Variants in RERE observed in about 807,000 individuals in gnomAD.
RERE encodes arginine-glutamic acid dipeptide repeats, also known as arginine-glutamic acid dipeptide repeats protein.
A neutral mutation model predicts 146.1 loss-of-function variants in RERE; 40 were observed. The ratio of observed to expected loss-of-function variants is 0.27; its 90% CI spans 0.21 to 0.36. The LOEUF (loss-of-function observed/expected upper bound fraction) is 0.36. RERE is among the 10% of genes least tolerant of loss of function. The probability of loss-of-function intolerance (pLI) is 1.00; values close to 1 mark genes in which losing one functional copy is unlikely to be tolerated. For missense variants in RERE, 1,933 were observed against 2,138.7 expected, an observed-to-expected ratio of 0.90 and a Z score of 1.90; for synonymous variants, 1,003 against 866.0, an observed-to-expected ratio of 1.16 and a Z score of -2.78.
At chr1:8,458,041 AAT>A (rs1448948021) in intron 11 of RERE, among the ~76,000 whole-genome samples, 1 of 152,308 alleles carries the variant, frequency 6.6e-6, no homozygotes, top group East Asian at 1.9e-4. Context: ...TTACCAATGT[AAT>A]ATGTCTCACC....
At chr1:8,706,058 G>A (rs780752031) in intron 1 of RERE, among the ~76,000 whole-genome samples, 3 of 146,772 alleles carry the variant, frequency 2.0e-5, no homozygotes, top group Non-Finnish European at 4.4e-5. Flanking sequence ...GGAGCTTGCC[G>A]TGAGCTGATA....
chr1:8,358,948 C>T lies in RERE; in HGVS notation c.3619-32G>A, dbSNP rs775097048. On this transcript the variant is annotated intron_variant, in intron 19 of 22. Transcript: ENST00000400908. ...AAGGAAAAGAAAGCGTGAGGGGTCC[C>T]CCGAGCGCCTGGGGTCTCCGCTTGG... The T allele has an allele frequency of 1.7e-5, 25 of 1,502,184 alleles. No homozygotes were observed. The Admixed American group carries it at 5.3e-4, about 32-fold the overall frequency. 93.1% of individuals were successfully genotyped at this position (1,502,184 alleles called of 1,614,324 possible). A position where few individuals can be genotyped will look rare whatever the true frequency, so the allele number is the denominator to read the frequency against.
intron 1 of RERE, among the ~76,000 whole-genome samples, chr1:8,758,560 T>G (rs1004371518): frequency 2.0e-5 from 3 of 151,786 alleles, no homozygotes; most frequent in African/African-American, 7.3e-5. Flanking sequence ...CCTAGCTAAC[T>G]TTTTATTTTT....
chr1:8,698,935 A>G (rs949082390), intron 1 of RERE, among the ~76,000 whole-genome samples: 9 of 152,068 alleles, frequency 5.9e-5, no homozygotes, highest in Non-Finnish European at 1.2e-4. Context: ...TTGTTTTTCA[A>G]TGAGACAGGG....
chr1:8,701,935 C>G (rs1225184093), intron 1 of RERE, among the ~76,000 whole-genome samples: 1 of 152,144 alleles, frequency 6.6e-6, no homozygotes, highest in Non-Finnish European at 1.5e-5. Context: ...CCAAGTCTAA[C>G]ACATGCATAA....
At chr1:8,606,954 A>G (rs1179714485) in intron 4 of RERE, among the ~76,000 whole-genome samples, 3 of 152,228 alleles carry the variant, frequency 2.0e-5, no homozygotes, top group African/African-American at 7.2e-5. Flanking sequence ...TAGACTCTAA[A>G]AAAGGATTAA....
chr1:8,663,731 C>A (rs1638507693), intron 1 of RERE, among the ~76,000 whole-genome samples: 1 of 152,178 alleles, frequency 6.6e-6, no homozygotes, highest in African/African-American at 2.4e-5. Context: ...ACAATGCCCA[C>A]TATTCCTTTT....
At chr1:8,809,981 G>GTTGTTT (rs1204030211) in intron 1 of RERE, among the ~76,000 whole-genome samples, 106 of 151,426 alleles carry the variant, frequency 7.0e-4, no homozygotes, top group African/African-American at 2.3e-3. Context: ...AGCACAGTTT[G>GTTGTTT]TTGTTTTTGT....
At chr1:8,531,012 TCTATCTATCTATCTA>T (rs1645641826) in intron 7 of RERE, among the ~76,000 whole-genome samples, 1 of 26,456 alleles carries the variant, frequency 3.8e-5, no homozygotes, top group Admixed American at 3.6e-4. Context: ...GAGTTTTCTA[TCTATCTATCTATCTA>T]TCTATCTATC....
rs373745934 is a variant in RERE at position 8,599,575 on chromosome 1, G to C, written c.522+14986C>G. Among the ~76,000 whole-genome samples, 14 of 152,278 alleles carry C rather than the reference G, an allele frequency of 9.2e-5. No individual in the cohort carries two copies. In the East Asian group the frequency reaches 2.1e-3, roughly 23 times the overall value. On this transcript the variant is annotated intron_variant, in intron 4 of 22. Transcript: ENST00000400908. ...AATCTATTCAGGAGCACTGTAAAAC[G>C]GAAGAGAATTATCTAAAGGGATTCA...
chr1:8,519,726 A>G (rs1645466711), intron 7 of RERE: 1 of 152,160 alleles, frequency 6.6e-6, no homozygotes, highest in Admixed American at 6.5e-5. Context: ...TTCCACCCAT[A>G]TCACAGTCAG....
intron 1 of RERE, among the ~76,000 whole-genome samples, chr1:8,701,969 T>C (rs965554060): frequency 1.3e-5 from 2 of 152,080 alleles, no homozygotes; most frequent in Admixed American, 6.5e-5. Flanking sequence ...GTTGTGCTTC[T>C]GGAAATAATT....
intron 1 of RERE, chr1:8,807,023 T>C (rs1455095782): frequency 6.6e-6 from 1 of 152,210 alleles, no homozygotes; most frequent in African/African-American, 2.4e-5. Context: ...TATCTTTCCC[T>C]AACTGTACCT....
intron 12 of RERE, among the ~76,000 whole-genome samples, chr1:8,418,511 G>T (rs1175291888): frequency 6.6e-6 from 1 of 152,140 alleles, no homozygotes; most frequent in Non-Finnish European, 1.5e-5. Flanking sequence ...AAGCGCTCCT[G>T]GACTACGACC....
At chr1:8,787,780 G>A (rs947296196) in intron 1 of RERE, among the ~76,000 whole-genome samples, 6 of 145,746 alleles carry the variant, frequency 4.1e-5, no homozygotes, top group Admixed American at 7.0e-5. Context: ...GCAGTGAGCC[G>A]AGATCATGAC....
At chr1:8,771,912 A>G in intron 1 of RERE, among the ~76,000 whole-genome samples, 1 of 149,960 alleles carries the variant, frequency 6.7e-6, no homozygotes, top group East Asian at 1.9e-4. Flanking sequence ...TCTGTCTCAA[A>G]AAAAAAAAAA....
intron 1 of RERE, among the ~76,000 whole-genome samples, chr1:8,671,166 G>A (rs1638708180): frequency 6.6e-6 from 1 of 152,128 alleles, no homozygotes; most frequent in Non-Finnish European, 1.5e-5. Flanking sequence ...AATAACCATG[G>A]GGCTGGATGG....
intron 1 of RERE, among the ~76,000 whole-genome samples, chr1:8,785,219 G>C (rs952983869): frequency 1.3e-5 from 2 of 152,178 alleles, no homozygotes; most frequent in African/African-American, 2.4e-5. Flanking sequence ...GCGTAACAAT[G>C]AAAGGCAGTC....
chr1:8,658,339 C>G (rs999471373), intron 1 of RERE, among the ~76,000 whole-genome samples: 1 of 152,184 alleles, frequency 6.6e-6, no homozygotes, highest in African/African-American at 2.4e-5. Context: ...TAAGAAGCTT[C>G]TGTTTCTCAT....
Sources: allele counts gnomAD v4.1 joint callset (sites outside exome capture counted in the v4.1 genomes callset), GRCh38; gene constraint gnomAD v4.1.1; transcripts MANE v1.5; gene names NCBI Gene and HGNC (gene_info 2026-07-23, HGNC 2026-07-21).